The following PDSS2 variants were observed in gnomAD, a reference collection of about 807,000 sequenced individuals.
PDSS2 encodes the protein all trans-polyprenyl-diphosphate synthase PDSS2.
Under a neutral mutation model 44.5 loss-of-function variants are expected in PDSS2, and 31 were observed. That is an observed-to-expected ratio of 0.70 (90% CI 0.52 to 0.94). The LOEUF is 0.94. PDSS2 is among the 40% of genes least tolerant of loss of function. PDSS2 has a pLI of 0.00. For synonymous variants in PDSS2, 157 were observed against 180.3 expected (o/e 0.87, Z 1.03); for missense variants, 452 against 482.2 (o/e 0.94, Z 0.59).
intron 2 of PDSS2, among the ~76,000 whole-genome samples, chr6:107,306,587 C>T (rs987624064): frequency 3.9e-5 from 6 of 152,048 alleles, no homozygotes; most frequent in Admixed American, 2.6e-4. Context: ...CCAGGTAGTA[C>T]TGAATAATCA....
At chr6:107,346,620 C>A (rs909514347) in intron 1 of PDSS2, among the ~76,000 whole-genome samples, 1 of 152,138 alleles carries the variant, frequency 6.6e-6, no homozygotes, top group Non-Finnish European at 1.5e-5. Context: ...AATAACACAA[C>A]CTGCCTAAAA....
chr6:107,299,102 G>A (rs1184962460), intron 2 of PDSS2, among the ~76,000 whole-genome samples: 6 of 118,770 alleles, frequency 5.1e-5, no homozygotes, highest in African/African-American at 1.6e-4. Context: ...AGCTGAGATC[G>A]TATCACTACA....
intron 7 of PDSS2, among the ~76,000 whole-genome samples, chr6:107,185,123 TAA>T (rs11317647): frequency 1.2e-3 from 103 of 88,778 alleles, no homozygotes; most frequent in Middle Eastern, 5.5e-3. Context: ...ACCTTATATC[TAA>T]AAAAAAAAAA....
intron 1 of PDSS2, among the ~76,000 whole-genome samples, chr6:107,367,425 G>T (rs1778989697): frequency 6.6e-6 from 1 of 152,128 alleles, no homozygotes; most frequent in South Asian, 2.1e-4. Flanking sequence ...TCCCACTTAG[G>T]ACTGGGAACA....
chr6:107,409,745 C>T (rs555088372), intron 1 of PDSS2, among the ~76,000 whole-genome samples: 2 of 152,298 alleles, frequency 1.3e-5, no homozygotes, highest in African/African-American at 4.8e-5. Flanking sequence ...GAAATAGGTA[C>T]TTCTATCTGC....
At chr6:107,358,189 T>C (rs1437105751) in intron 1 of PDSS2, among the ~76,000 whole-genome samples, 1 of 152,204 alleles carries the variant, frequency 6.6e-6, no homozygotes, top group Non-Finnish European at 1.5e-5. Flanking sequence ...ACCTTCGGAC[T>C]AGGTGTATAA....
chr6:107,394,467 A>G (rs572437766), intron 1 of PDSS2, among the ~76,000 whole-genome samples: 1 of 152,224 alleles, frequency 6.6e-6, no homozygotes, highest in East Asian at 1.9e-4. Context: ...ACACAATTTT[A>G]AAGAACCAGC....
chr6:107,372,335 G>A (rs1057235246), intron 1 of PDSS2, among the ~76,000 whole-genome samples: 2 of 152,156 alleles, frequency 1.3e-5, no homozygotes, highest in African/African-American at 2.4e-5. Flanking sequence ...CTGAAGTACA[G>A]CTATTCTAAG....
At chr6:107,207,053 C>T (rs1029738831) in intron 6 of PDSS2, among the ~76,000 whole-genome samples, 11 of 150,724 alleles carry the variant, frequency 7.3e-5, no homozygotes, top group African/African-American at 2.4e-4. Flanking sequence ...AGTGCAGTGG[C>T]GCGATCTCAG....
intron 1 of PDSS2, among the ~76,000 whole-genome samples, chr6:107,394,489 C>G (rs1251460646): frequency 1.3e-5 from 2 of 152,080 alleles, no homozygotes; most frequent in Non-Finnish European, 1.5e-5. Flanking sequence ...CTCATAAGAA[C>G]TCACTACCAT....
intron 1 of PDSS2, among the ~76,000 whole-genome samples, chr6:107,430,025 T>C (rs541435819): frequency 1.3e-5 from 2 of 149,414 alleles, no homozygotes; most frequent in East Asian, 4.0e-4. Context: ...ACCTTATTCA[T>C]TGCTAAAATT....
At chr6:107,300,021 G>T (rs1386699162) in intron 2 of PDSS2, among the ~76,000 whole-genome samples, 10 of 150,816 alleles carry the variant, frequency 6.6e-5, no homozygotes, top group Admixed American at 6.6e-4. Flanking sequence ...ATACTCACCT[G>T]GTAAGCCTAT....
In PDSS2 at chr6:107,187,916, C is replaced by G. The variant is rs1267372808; in HGVS notation, c.1041+5906G>C. The stretch of plus-strand genomic sequence containing the variant: ...AAATAAACATGCACTTAAATACAAA[C>G]TGATAATTTTATGTTATGATAAATG... On this transcript the variant is annotated intron_variant, in intron 7 of 7. Coordinates refer to ENST00000369037, the MANE Select transcript of PDSS2 (RefSeq NM_020381.4). Among the ~76,000 whole-genome samples, 3 of 152,118 alleles carry G rather than the reference C, an allele frequency of 2.0e-5. No homozygotes were observed. The East Asian group carries it at 5.8e-4, about 29-fold the overall frequency.
At chr6:107,362,942 A>G (rs148351769) in intron 1 of PDSS2, among the ~76,000 whole-genome samples, 183 of 152,328 alleles carry the variant, frequency 1.2e-3, no homozygotes, top group African/African-American at 4.2e-3. Context: ...AAAAGAAGCA[A>G]TAACTTGGAG....
chr6:107,330,024 AG>A (rs1777664781), intron 2 of PDSS2, among the ~76,000 whole-genome samples: 1 of 151,878 alleles, frequency 6.6e-6, no homozygotes, highest in Admixed American at 6.6e-5. Context: ...AAAAGGAAAA[AG>A]GTAACATTTG....
intron 4 of PDSS2, among the ~76,000 whole-genome samples, chr6:107,217,358 ATAAGAGG>A (rs1235830279): frequency 5.3e-5 from 8 of 152,158 alleles, no homozygotes; most frequent in Non-Finnish European, 1.2e-4. Context: ...AGTAGTCCTT[ATAAGAGG>A]GAGGCACAGT....
intron 1 of PDSS2, among the ~76,000 whole-genome samples, chr6:107,446,203 C>T (rs1251499193): frequency 1.3e-5 from 2 of 152,014 alleles, no homozygotes; most frequent in Non-Finnish European, 2.9e-5. Flanking sequence ...GTAGTCCCAG[C>T]TACTCGGGAG....
At chr6:107,449,639 C>G (rs1278007046) in intron 1 of PDSS2, among the ~76,000 whole-genome samples, 1 of 152,230 alleles carries the variant, frequency 6.6e-6, no homozygotes, top group Non-Finnish European at 1.5e-5. Context: ...TATTATGACA[C>G]GTGTGCAACC....
chr6:107,230,370 C>T (rs969048493), intron 4 of PDSS2, among the ~76,000 whole-genome samples: 5 of 152,202 alleles, frequency 3.3e-5, no homozygotes, highest in Admixed American at 3.3e-4. Context: ...GGACTTAGGT[C>T]CTCAGGCTAG....
Sources: gnomAD v4.1 joint callset for allele counts (sites outside exome capture counted in the v4.1 genomes callset) on GRCh38, gnomAD v4.1.1 for gene constraint, MANE v1.5 for transcripts, NCBI Gene and HGNC (gene_info 2026-07-23, HGNC 2026-07-21) for gene names.